The following MAOA variants were observed in gnomAD, a reference collection of about 807,000 sequenced individuals.
MAOA encodes the protein monoamine oxidase A, also known as amine oxidase [flavin-containing] A.
MAOA carries 6 observed loss-of-function variants against 42.0 expected under a neutral mutation model. That is an observed-to-expected ratio of 0.14 (90% confidence interval 0.08 to 0.28). The LOEUF is 0.28. Among genes scored for constraint, MAOA ranks in the 10% least tolerant of loss-of-function variants. MAOA has a pLI of 1.00. For missense variants in MAOA, 262 were observed against 422.3 expected, an observed-to-expected ratio of 0.62 and a Z score of 3.33; for synonymous variants, 140 against 154.0, an observed-to-expected ratio of 0.91 and a Z score of 0.67.
intron 1 of MAOA, among the ~76,000 whole-genome samples, chrX:43,679,547 C>A (rs188545602): frequency 1.9e-3 from 213 of 110,743 alleles, no homozygotes; most frequent in African/African-American, 5.8e-3. Context: ...TAGGATGCTA[C>A]TGAGAGGTCC....
At chrX:43,726,557 C>T (rs1427680933) in intron 5 of MAOA, among the ~76,000 whole-genome samples, 1 of 111,959 alleles carries the variant, frequency 8.9e-6, no homozygotes, top group African/African-American at 3.2e-5. Context: ...ACTGGTTATT[C>T]TAGTTAGCAA....
intron 2 of MAOA, among the ~76,000 whole-genome samples, chrX:43,688,409 T>C (rs2033505216): frequency 8.9e-6 from 1 of 112,034 alleles, no homozygotes; most frequent in African/African-American, 3.2e-5. Context: ...GCCTCCTGAG[T>C]AGCTGGGATT....
At chrX:43,692,261 G>A (rs773394368) in intron 2 of MAOA, among the ~76,000 whole-genome samples, 92 of 110,704 alleles carry the variant, frequency 8.3e-4, no homozygotes, top group Non-Finnish European at 1.6e-3. Context: ...ACTGATTTCT[G>A]GGGGAGTGTT....
At chrX:43,725,354 G>C (rs543924721) in intron 5 of MAOA, among the ~76,000 whole-genome samples, 1 of 112,089 alleles carries the variant, frequency 8.9e-6, no homozygotes, top group Non-Finnish European at 1.9e-5. Context: ...GGATGTTCCT[G>C]TATTGGGTGC....
chrX:43,743,833 C>A lies in MAOA; in HGVS notation c.1302C>A (p.Gly434=), dbSNP rs1476533800. ...RQPVGRIFFA[G]TETATKWSGY... is the part of the protein sequence containing the mutation. ...CCGTGGGCAGGATTTTCTTTGCGGG[C>A]ACAGAGACTGCCACAAAGTGGAGCG... Residue 434 remains glycine (G), a synonymous_variant, in exon 13 of 15, where the codon GGC becomes GGA. Transcript: ENST00000338702. 1 of 1,172,710 alleles carries A rather than the reference C, an allele frequency of 8.5e-7. No homozygotes were observed. The highest frequency in any genetic ancestry group is 1.1e-6 in the Non-Finnish European group (1 of 875,397).
chrX:43,738,269 T>C (rs1321775014), intron 10 of MAOA, among the ~76,000 whole-genome samples: 1 of 112,201 alleles, frequency 8.9e-6, no homozygotes, highest in Admixed American at 9.5e-5. Context: ...AATCAGTGCA[T>C]TGTTTTAACA....
At chrX:43,692,395 A>T (rs2033543772) in intron 2 of MAOA, among the ~76,000 whole-genome samples, 1 of 111,170 alleles carries the variant, frequency 9.0e-6, no homozygotes, top group Non-Finnish European at 1.9e-5. Context: ...AATGGTATAA[A>T]GTTATCTGGT....
At chrX:43,656,238 C>G, upstream of MAOA, 8 of 704,897 alleles carry the variant, frequency 1.1e-5, no homozygotes, top group Non-Finnish European at 1.8e-5. Context: ...AAAGAAGGAT[C>G]GGCTCCGCCC....
At position 43,740,655 on chromosome X, in the gene MAOA, T is replaced by A. The variant is rs758175568; in HGVS notation, c.1107-26T>A. ...GTTACTCCTTCCCTAACTTTATTTT[T>A]TTTTTTTTTTGGCTCTGTTTTATAG... On this transcript the variant is annotated intron_variant, in intron 10 of 14. Coordinates refer to ENST00000338702, the MANE Select transcript of MAOA (RefSeq NM_000240.4). The A allele has an allele frequency of 5.9e-5, 68 of 1,154,479 alleles. No homozygotes were observed. In the African/African-American group the frequency reaches 8.8e-4, roughly 15 times the overall value.
At chrX:43,677,316 G>C (rs2033406437) in intron 1 of MAOA, among the ~76,000 whole-genome samples, 1 of 111,956 alleles carries the variant, frequency 8.9e-6, no homozygotes, top group Non-Finnish European at 1.9e-5. Context: ...TGGAAGCATT[G>C]CAGAATTGGT....
Position 43,735,817 on chromosome X carries a change from G to A in MAOA, c.1053-410G>A, listed in dbSNP as rs1256442236. Among the ~76,000 whole-genome samples, 4 of 112,523 alleles carry A rather than the reference G, an allele frequency of 3.6e-5. No individual in the cohort carries two copies. The East Asian group carries it at 1.1e-3, about 31-fold the overall frequency. On this transcript the variant is annotated intron_variant, in intron 9 of 14. Transcript: ENST00000338702. ...TAACGAGTGCCTGGTCCCAAAGGGA[G>A]CCTGGGGGGCCCACCGTGGCCTCCA...
chrX:43,708,097 T>G (rs1946526345), intron 3 of MAOA, among the ~76,000 whole-genome samples: 1 of 111,467 alleles, frequency 9.0e-6, no homozygotes, highest in Admixed American at 9.5e-5. Flanking sequence ...TTAAGTGTTT[T>G]GGGGCACGGT....
rs777459157 is a variant in MAOA, at chrX:43,674,832, G to A, written c.74-8681G>A. Among the ~76,000 whole-genome samples the A allele has an allele frequency of 7.6e-4, 84 of 110,437 alleles. No homozygotes were observed. The East Asian group carries it at 0.022, about 28-fold the overall frequency. On this transcript the variant is annotated intron_variant, in intron 1 of 14. Transcript: ENST00000338702. ...GAGAGATCCGCTGTTAGTCTGATGG[G>A]CTTCCCTTTGTGGGTAACCCGACCT...
intron 3 of MAOA, among the ~76,000 whole-genome samples, chrX:43,694,388 C>T (rs1024711899): frequency 8.9e-6 from 1 of 111,810 alleles, no homozygotes; most frequent in African/African-American, 3.3e-5. Flanking sequence ...GACCAGAAAC[C>T]TTTGTAAACT....
At chrX:43,705,409 C>G (rs1393065483) in intron 3 of MAOA, among the ~76,000 whole-genome samples, 1 of 112,141 alleles carries the variant, frequency 8.9e-6, no homozygotes, top group Admixed American at 9.5e-5. Context: ...GTTGGAACGA[C>G]TGGATATCCA....
At chrX:43,740,204 A>G (rs759313789) in intron 10 of MAOA, among the ~76,000 whole-genome samples, 1 of 112,109 alleles carries the variant, frequency 8.9e-6, no homozygotes, top group Admixed American at 9.5e-5. Flanking sequence ...TGCTTAAAAG[A>G]TGAAATGAGC....
chrX:43,743,338 G>T (rs976849609), intron 12 of MAOA, among the ~76,000 whole-genome samples: 1 of 110,778 alleles, frequency 9.0e-6, no homozygotes. Flanking sequence ...GATAGTTGAC[G>T]TCCCTGTCTT....
In MAOA at chrX:43,682,896, T is replaced by C. The variant is rs905054832; in HGVS notation, c.74-617T>C. Among the ~76,000 whole-genome samples the C allele has an allele frequency of 2.6e-4, 29 of 112,032 alleles. 1 individual carries two copies. Among genetic ancestry groups the C allele is most frequent in the Admixed American group, 9.5e-4 (10 of 10,513 alleles). On this transcript the variant is annotated intron_variant, in intron 1 of 14. Transcript: ENST00000338702. ...TATGTTGGGTTTAAAAAATATTTTA[T>C]CTATCCTGAAGGCTTTTAATTACAG...
Position 43,744,722 on chromosome X carries a change from G to A in MAOA, c.*209G>A. On this transcript the variant is annotated 3_prime_UTR_variant, in exon 15 of 15. Coordinates refer to ENST00000338702, the MANE Select transcript of MAOA (RefSeq NM_000240.4). ...ATCAAGCTCCATCTTATTTGTCAGT[G>A]TAGATCAACTCATGTTAATTGATAG... 2.2e-6 allele frequency: 1 copy of A among 445,237 alleles called. No individual in the cohort carries two copies. The highest frequency in any genetic ancestry group is 3.9e-6 in the Non-Finnish European group (1 of 256,992). 36.7% of individuals were successfully genotyped at this position (445,237 alleles called of 1,213,427 possible).
Sources: allele counts gnomAD v4.1 joint callset (sites outside exome capture counted in the v4.1 genomes callset), GRCh38; gene constraint gnomAD v4.1.1; transcripts MANE v1.5; gene names NCBI Gene and HGNC (gene_info 2026-07-23, HGNC 2026-07-21).